Variants in GABBR2 observed in about 807,000 individuals in gnomAD.
GABBR2 encodes G-protein coupled receptor 51.
GABBR2 carries 23 observed loss-of-function variants against 105.6 expected under a neutral mutation model. The ratio of observed to expected loss-of-function variants is 0.22; its 90% CI spans 0.16 to 0.31. The LOEUF (loss-of-function observed/expected upper bound fraction) is 0.31. Ranked by LOEUF, GABBR2 falls within the 10% of genes least tolerant of loss-of-function variation. The pLI is 1.00. For missense variants in GABBR2, 734 were observed against 1,245.5 expected (o/e 0.59, Z 6.18); for synonymous variants, 478 against 499.7 (o/e 0.96, Z 0.58).
chr9:98,607,139 G>A, intron 1 of GABBR2: 2 of 1,609,936 alleles, frequency 1.2e-6, no homozygotes, highest in Non-Finnish European at 1.7e-6. Context: ...CAAAGAAGGT[G>A]GTGTTCAGTT....
intron 1 of GABBR2, among the ~76,000 whole-genome samples, chr9:98,683,156 C>T (rs1252920771): frequency 2.0e-5 from 3 of 152,054 alleles, no homozygotes; most frequent in African/African-American, 7.2e-5. Context: ...TGCAATGGCG[C>T]GATCTCAGCT....
intron 1 of GABBR2, among the ~76,000 whole-genome samples, chr9:98,662,836 CCACCAGGCCAAA>C (rs1399273162): frequency 6.6e-6 from 1 of 152,176 alleles, no homozygotes; most frequent in Non-Finnish European, 1.5e-5. Context: ...CTCTTCCTGA[CCACCAGGCCAAA>C]AACTAGAGTC....
At chr9:98,690,434 A>C (rs1287051716) in intron 1 of GABBR2, among the ~76,000 whole-genome samples, 1 of 152,208 alleles carries the variant, frequency 6.6e-6, no homozygotes, top group African/African-American at 2.4e-5. Flanking sequence ...ATCTTTATAC[A>C]TCAGCTTCTT....
At chr9:98,561,834 T>C (rs1828677408) in intron 2 of GABBR2, among the ~76,000 whole-genome samples, 1 of 152,170 alleles carries the variant, frequency 6.6e-6, no homozygotes, top group Admixed American at 6.5e-5. Context: ...CAGTGAGCTA[T>C]GATCGTGCCA....
chr9:98,705,501 C>A lies in GABBR2; in HGVS notation c.321+2916G>T, dbSNP rs375182857. ...GGCCATTGAGGCCACTGATTGACAG[C>A]AAATGTCAGCAAATCCAGCCAAAAT... On this transcript the variant is annotated intron_variant, in intron 1 of 18. Coordinates refer to ENST00000259455, the MANE Select transcript of GABBR2 (RefSeq NM_005458.8). 1.2e-4 allele frequency among the ~76,000 whole-genome samples: 18 copies of A among 152,332 alleles called. 1 individual carries two copies. The highest frequency in any genetic ancestry group is 8.5e-4 in the Admixed American group (13 of 15,304).
At chr9:98,533,867 C>G (rs988500657) in intron 3 of GABBR2, among the ~76,000 whole-genome samples, 13 of 152,176 alleles carry the variant, frequency 8.5e-5, no homozygotes, top group African/African-American at 3.1e-4. Flanking sequence ...GCAGGTGAGA[C>G]AGAGGAGGAG....
At chr9:98,397,588 G>A (rs1248857798) in intron 8 of GABBR2, among the ~76,000 whole-genome samples, 1 of 152,164 alleles carries the variant, frequency 6.6e-6, no homozygotes, top group Non-Finnish European at 1.5e-5. Flanking sequence ...GTAACTGTGG[G>A]CTCTATGTGA....
chr9:98,308,830 C>CTGTT (rs1830592065), intron 14 of GABBR2, among the ~76,000 whole-genome samples: 2 of 152,348 alleles, frequency 1.3e-5, no homozygotes, highest in South Asian at 4.1e-4. Flanking sequence ...TTGTAAGCCA[C>CTGTT]TGTTTTGTGG....
chr9:98,464,391 C>T (rs1826498841), intron 6 of GABBR2, among the ~76,000 whole-genome samples: 2 of 151,004 alleles, frequency 1.3e-5, no homozygotes, highest in Non-Finnish European at 1.5e-5. Context: ...GCGCCTCTGC[C>T]CTGCTGCCCT....
chr9:98,388,500 C>T lies in GABBR2; in HGVS notation c.1529+354G>A, dbSNP rs578002653. On this transcript the variant is annotated intron_variant, in intron 10 of 18. Coordinates refer to ENST00000259455, the MANE Select transcript of GABBR2 (RefSeq NM_005458.8). This position sits in a 1 kb window ranked among gnomAD's most constrained non-coding sequence, Gnocchi z 4.4. ...TTCTATATCTCTCCTCCTGGACCTC[C>T]ACAAAGTACAGGAGTATATCCAAAG... Among the ~76,000 whole-genome samples the T allele has an allele frequency of 6.6e-6, 1 of 152,238 alleles. No individual in the cohort carries two copies. The highest frequency in any genetic ancestry group is 1.9e-4 in the East Asian group (1 of 5,166).
At chr9:98,583,499 C>G (rs1050884590) in intron 1 of GABBR2, among the ~76,000 whole-genome samples, 2 of 152,246 alleles carry the variant, frequency 1.3e-5, no homozygotes, top group African/African-American at 4.8e-5. Flanking sequence ...AATTTTAAAG[C>G]AGGCTTCATT....
chr9:98,648,116 T>TGTGTGTAGATAG, intron 1 of GABBR2, among the ~76,000 whole-genome samples: 3 of 55,956 alleles, frequency 5.4e-5, no homozygotes, highest in Admixed American at 2.1e-4. Context: ...TGTGTGTGTG[T>TGTGTGTAGATAG]ATAGATAGAT....
chr9:98,565,223 A>G (rs930169240), intron 2 of GABBR2, among the ~76,000 whole-genome samples: 11 of 152,102 alleles, frequency 7.2e-5, no homozygotes, highest in African/African-American at 2.7e-4. Context: ...AGATCAAGAG[A>G]CATTAAAGCT....
chr9:98,494,928 A>T (rs1010640134), intron 4 of GABBR2, among the ~76,000 whole-genome samples: 3 of 152,258 alleles, frequency 2.0e-5, no homozygotes, highest in African/African-American at 7.2e-5. Context: ...GAGCTATTTC[A>T]AGTGCCCACC....
intron 11 of GABBR2, among the ~76,000 whole-genome samples, chr9:98,384,332 CTT>C (rs1201417757): frequency 6.6e-6 from 1 of 152,150 alleles, no homozygotes; most frequent in Non-Finnish European, 1.5e-5. Flanking sequence ...ACATAACCCC[CTT>C]TAAAAAAATA....
rs561523770 is a variant in GABBR2, at chr9:98,606,121, G to A, written c.322-28049C>T. Among the ~76,000 whole-genome samples, 9 of 152,318 alleles carry A rather than the reference G, an allele frequency of 5.9e-5. No homozygotes were observed. The Middle Eastern group carries it at 0.01, about 173-fold the overall frequency. On this transcript the variant is annotated intron_variant, in intron 1 of 18. Transcript: ENST00000259455. ...ACATGAATTCATCCTTTTTGCGGCT[G>A]CATAGTATTCCATGGTGTATATGTG... is the stretch of plus-strand genomic sequence containing the variant.
intron 13 of GABBR2, among the ~76,000 whole-genome samples, chr9:98,338,253 A>G (rs758724062): frequency 5.3e-5 from 8 of 152,226 alleles, no homozygotes; most frequent in Non-Finnish European, 1.5e-5. Flanking sequence ...AGAAATAATA[A>G]AAGAAAAAAT....
At chr9:98,436,333 C>T (rs59821008) in intron 7 of GABBR2, among the ~76,000 whole-genome samples, 785 of 19,204 alleles carry the variant, frequency 0.041, 83 homozygotes, top group African/African-American at 0.077. Flanking sequence ...TATATATATA[C>T]ACACACACAC....
At chr9:98,529,361 G>A (rs2779585) in intron 3 of GABBR2, among the ~76,000 whole-genome samples, 6,972 of 152,272 alleles carry the variant, frequency 0.046, 242 homozygotes, top group South Asian at 0.12. Context: ...TAGGAGTCAC[G>A]GTGACGGAGT....
Sources: gnomAD v4.1 joint callset for allele counts (sites outside exome capture counted in the v4.1 genomes callset) on GRCh38, gnomAD v4.1.1 for gene constraint, Gnocchi (gnomAD v3.1) non-coding constraint, MANE v1.5 for transcripts, NCBI Gene and HGNC (gene_info 2026-07-23, HGNC 2026-07-21) for gene names.